Variants in GARIN5A observed in about 807,000 individuals in gnomAD.
GARIN5A encodes Golgi-associated RAB2 interactor protein 5A.
At chr19:50,475,971 G>A in the GARIN5A span, 1 of 1,607,196 alleles carries the variant, frequency 6.2e-7, no homozygotes, top group Non-Finnish European at 8.5e-7. Context: ...CGAAGTCTGG[G>A]GGTCGATCCT....
the GARIN5A span, among the ~76,000 whole-genome samples, chr19:50,472,002 A>C: frequency 4.5e-3 from 668 of 149,942 alleles, 7 homozygotes; most frequent in South Asian, 0.033. Flanking sequence ...ATATACGTGT[A>C]TGTATATATA....
chr19:50,472,034 G>A, the GARIN5A span, among the ~76,000 whole-genome samples: 4 of 133,712 alleles, frequency 3.0e-5, no homozygotes, highest in East Asian at 2.1e-4. Flanking sequence ...GTATATGTAC[G>A]TGTGTGTATA....
At chr19:50,472,216 G>GCATGTATATATACATGTATGTGTGTA in the GARIN5A span, among the ~76,000 whole-genome samples, 5 of 129,434 alleles carry the variant, frequency 3.9e-5, no homozygotes, top group African/African-American at 1.6e-4. Flanking sequence ...ATACATGTGT[G>GCATGTATATATACATGTATGTGTGTA]TATGTATATA....
the GARIN5A span, among the ~76,000 whole-genome samples, chr19:50,471,972 ATGTATG>A: frequency 6.7e-6 from 1 of 149,812 alleles, no homozygotes; most frequent in African/African-American, 2.5e-5. Context: ...GTATATATAC[ATGTATG>A]TGTGTATATG....
chr19:50,468,217 C>T, the GARIN5A span, among the ~76,000 whole-genome samples: 4 of 152,028 alleles, frequency 2.6e-5, no homozygotes, highest in South Asian at 8.3e-4. Context: ...TAAAAATTAG[C>T]CGGGCGTGGT....
At chr19:50,467,423 CA>C in the GARIN5A span, 1 of 628,338 alleles carries the variant, frequency 1.6e-6, no homozygotes, top group Non-Finnish European at 2.7e-6. Flanking sequence ...CCCAGGAGTC[CA>C]GGACCCCAGC....
the GARIN5A span, among the ~76,000 whole-genome samples, chr19:50,472,245 A>G: frequency 4.7e-5 from 4 of 85,838 alleles, no homozygotes; most frequent in South Asian, 3.3e-4. Context: ...TGTGTGTATT[A>G]TATATACATG....
At chr19:50,470,571 T>C in the GARIN5A span, among the ~76,000 whole-genome samples, 1 of 150,244 alleles carries the variant, frequency 6.7e-6, no homozygotes. Context: ...GTGGCTGTGC[T>C]CATGGCAATA....
the GARIN5A span, among the ~76,000 whole-genome samples, chr19:50,472,042 A>ATATGTT: frequency 6.9e-6 from 1 of 145,522 alleles, no homozygotes; most frequent in Admixed American, 6.7e-5. Flanking sequence ...ACGTGTGTGT[A>ATATGTT]TATGTATATA....
chr19:50,476,437 C>T, the GARIN5A span: 2 of 1,550,738 alleles, frequency 1.3e-6, no homozygotes, highest in Non-Finnish European at 1.7e-6. Flanking sequence ...TGCGCAGGTG[C>T]CGGGGCCCAG....
At chr19:50,468,074 T>C in the GARIN5A span, among the ~76,000 whole-genome samples, 1 of 152,312 alleles carries the variant, frequency 6.6e-6, no homozygotes, top group East Asian at 1.9e-4. Flanking sequence ...GAAATTTCCA[T>C]CTGGGGCCAG....
the GARIN5A span, among the ~76,000 whole-genome samples, chr19:50,472,429 C>A: frequency 2.0e-5 from 3 of 151,986 alleles, no homozygotes; most frequent in Admixed American, 6.6e-5. Context: ...ATTTGCAGAG[C>A]AAGCTCAATG....
At chr19:50,471,916 A>G in the GARIN5A span, among the ~76,000 whole-genome samples, 3 of 151,704 alleles carry the variant, frequency 2.0e-5, no homozygotes, top group East Asian at 3.9e-4. Flanking sequence ...ATGTGTGTAT[A>G]TGTGTATATA....
chr19:50,471,571 C>A, the GARIN5A span, among the ~76,000 whole-genome samples: 30 of 152,194 alleles, frequency 2.0e-4, 1 homozygote, highest in Admixed American at 6.5e-4. Context: ...CACCCAGCCT[C>A]TACTGCTGTT....
chr19:50,475,681 A>G, the GARIN5A span: 2 of 688,906 alleles, frequency 2.9e-6, no homozygotes, highest in South Asian at 3.6e-5. Context: ...GAATCTAGAG[A>G]ACTAGAAGTA....
At chr19:50,471,647 C>CGCATACATGCACGTGTGTGTATAT in the GARIN5A span, among the ~76,000 whole-genome samples, 8 of 119,094 alleles carry the variant, frequency 6.7e-5, no homozygotes, top group South Asian at 8.3e-4. Context: ...TGTGTATATA[C>CGCATACATGCACGTGTGTGTATAT]GCATACATGC....
At chr19:50,476,021 A>C in the GARIN5A span, 1 of 1,604,470 alleles carries the variant, frequency 6.2e-7, no homozygotes, top group African/African-American at 1.3e-5. Context: ...AGGGCCCGGC[A>C]CAGCCCCGCG....
At chr19:50,472,055 C>A in the GARIN5A span, among the ~76,000 whole-genome samples, 1 of 119,120 alleles carries the variant, frequency 8.4e-6, no homozygotes, top group South Asian at 2.9e-4. Flanking sequence ...TGTATATATA[C>A]GTGTGTGTAT....
chr19:50,471,835 T>TA, the GARIN5A span, among the ~76,000 whole-genome samples: 2 of 143,750 alleles, frequency 1.4e-5, no homozygotes, highest in Non-Finnish European at 3.0e-5. Context: ...TACGCATACA[T>TA]ATCTGTGTGC....
Sources: allele counts gnomAD v4.1 joint callset (sites outside exome capture counted in the v4.1 genomes callset), GRCh38; gene constraint gnomAD v4.1.1; transcripts MANE v1.5; gene names NCBI Gene and HGNC (gene_info 2026-07-23, HGNC 2026-07-21).